The following ANTXRL variants were observed in gnomAD, a reference collection of about 807,000 sequenced individuals.
ANTXRL encodes the protein ANTXR like.
Under a neutral mutation model 75.4 loss-of-function variants are expected in ANTXRL, and 63 were observed. The ratio of observed to expected loss-of-function variants is 0.84; its 90% CI spans 0.68 to 1.03. ANTXRL has a LOEUF of 1.03. ANTXRL is among the 50% of genes least tolerant of loss of function. ANTXRL has a pLI of 0.00. For missense variants in ANTXRL, 797 were observed against 789.4 expected (o/e 1.01, Z -0.12); for synonymous variants, 335 against 291.3 (o/e 1.15, Z -1.53).
At position 46,296,104 on chromosome 10, in the gene ANTXRL, T is replaced by TAG. The variant is rs1554958549; in HGVS notation, c.474+6_474+7dup. The TAG allele has an allele frequency of 8.5e-6, 13 of 1,535,896 alleles. No homozygotes were observed. The highest frequency in any genetic ancestry group is 1.0e-5 in the Non-Finnish European group (12 of 1,146,726). On this transcript the variant is annotated splice_donor_region_variant and intron_variant, in intron 4 of 16. Coordinates refer to ENST00000620264, the MANE Select transcript of ANTXRL (RefSeq NM_001278688.3). ...CATGCAGGCAGGATTTAGAAAGGTA[T>TAG]AGACCCCTTGATCTCCTAACCCTAA...
chr10:46,294,146 C>A, intron 3 of ANTXRL: 1 of 533,650 alleles, frequency 1.9e-6, no homozygotes, highest in Non-Finnish European at 3.3e-6. Flanking sequence ...ACTTCACGCT[C>A]CCCTGCCCTC....
At chr10:46,329,492 G>A in intron 16 of ANTXRL, 107 bp from the exon 17 acceptor site, 2 of 1,393,864 alleles carry the variant, frequency 1.4e-6, no homozygotes, top group Non-Finnish European at 9.5e-7. Flanking sequence ...CCACCCTGTG[G>A]GTCCCGATGG....
chr10:46,289,590 G>T (rs1168787241), intron 1 of ANTXRL, among the ~76,000 whole-genome samples: 1 of 151,708 alleles, frequency 6.6e-6, no homozygotes, highest in Non-Finnish European at 1.5e-5. Flanking sequence ...AGCCAGGCAT[G>T]GTGATGTGTG....
At chr10:46,294,499 G>A (rs1344692725) in intron 3 of ANTXRL, among the ~76,000 whole-genome samples, 14 of 152,142 alleles carry the variant, frequency 9.2e-5, no homozygotes, top group East Asian at 1.9e-4. Flanking sequence ...CTGTTTGGCC[G>A]GAGGTGAGGG....
At position 46,297,285 on chromosome 10, in the gene ANTXRL, A is replaced by T; in HGVS notation, c.542A>T (p.Asp181Val). 6.5e-7 allele frequency: 1 copy of T among 1,536,506 alleles called. No individual in the cohort carries two copies. The highest frequency in any genetic ancestry group is 1.2e-5 in the South Asian group (1 of 84,044). The change falls in exon 6 of 17, where the codon GAT becomes GTT. Residue 181 changes from aspartate (D) to valine (V), a missense_variant. Transcript: ENST00000620264. ...CCCAGCATGATTATTGCTATGACTG[A>T]TGGAGAACTGGTGGCACATGCATTT... ...KVPSMIIAMT[D>V]GELVAHAFQD...
At chr10:46,326,870 G>A (rs185499365) in intron 16 of ANTXRL, among the ~76,000 whole-genome samples, 125 of 152,270 alleles carry the variant, frequency 8.2e-4, no homozygotes, top group Admixed American at 2.1e-3. Context: ...AGACTCTCTG[G>A]TCGCTCTTGC....
intron 16 of ANTXRL, among the ~76,000 whole-genome samples, chr10:46,322,320 T>C (rs960808227): frequency 5.3e-5 from 8 of 152,048 alleles, no homozygotes; most frequent in Non-Finnish European, 1.2e-4. Flanking sequence ...TAGCCAGGTG[T>C]GGTGGCGTAT....
intron 16 of ANTXRL, among the ~76,000 whole-genome samples, 152 bp downstream of exon 16, chr10:46,313,468 C>G (rs1409547036): frequency 6.6e-6 from 1 of 152,114 alleles, no homozygotes; most frequent in Non-Finnish European, 1.5e-5. Context: ...CATGGGCATC[C>G]CAGCCAGTTT....
In ANTXRL at chr10:46,296,079, C is replaced by A. The variant is rs1837359453; in HGVS notation, c.453C>A (p.Phe151Leu). 6.5e-7 allele frequency: 1 copy of A among 1,535,864 alleles called. No individual in the cohort carries two copies. Among genetic ancestry groups the A allele is most frequent in the Non-Finnish European group, 8.7e-7 (1 of 1,146,766 alleles). Residue 151 changes from phenylalanine (F) to leucine (L), a missense_variant, in exon 4 of 17, where the codon TTC (phenylalanine) becomes TTA (leucine). Coordinates refer to ENST00000620264, the MANE Select transcript of ANTXRL (RefSeq NM_001278688.3). Reference sequence around the variant, plus strand: ...AAATTGTGCCTGACGGTCACACATTCATGCAGGCAGGATTTAGAAAGGTAT... The same window carrying A: ...AAATTGTGCCTGACGGTCACACATTAATGCAGGCAGGATTTAGAAAGGTAT... ...LQKIVPDGHT[F>L]MQAGFRKAIQ... is the part of the protein sequence containing the mutation.
At chr10:46,291,390 A>T (rs1836974711) in intron 1 of ANTXRL, among the ~76,000 whole-genome samples, 3 of 82,362 alleles carry the variant, frequency 3.6e-5, no homozygotes, top group Admixed American at 1.4e-4. Context: ...CTTCTTTTTC[A>T]GATTTTTTTT....
intron 1 of ANTXRL, among the ~76,000 whole-genome samples, chr10:46,287,749 G>A (rs1836822936): frequency 6.6e-6 from 1 of 152,116 alleles, no homozygotes; most frequent in Non-Finnish European, 1.5e-5. Context: ...GGTTCTGGAC[G>A]ATTCCCTACC....
intron 3 of ANTXRL, 90 bp from the exon 4 acceptor site, chr10:46,295,929 G>A (rs1554958476): frequency 1.2e-5 from 13 of 1,078,772 alleles, no homozygotes; most frequent in Non-Finnish European, 1.6e-5. Context: ...GAGGACTGGC[G>A]CAAAGAACAG....
chr10:46,312,879 C>A (rs1838508535), intron 15 of ANTXRL, among the ~76,000 whole-genome samples: 1 of 152,016 alleles, frequency 6.6e-6, no homozygotes, highest in Admixed American at 6.5e-5. Context: ...CAGCAAGGCT[C>A]CTTCTCCCTG....
At chr10:46,321,256 T>C (rs575750929) in intron 16 of ANTXRL, among the ~76,000 whole-genome samples, 43 of 152,164 alleles carry the variant, frequency 2.8e-4, no homozygotes, top group Admixed American at 2.5e-3. Flanking sequence ...AATTTTCCTG[T>C]AGAGAAAAGG....
chr10:46,313,538 G>A (rs1297668984), intron 16 of ANTXRL, among the ~76,000 whole-genome samples: 5 of 152,138 alleles, frequency 3.3e-5, no homozygotes, highest in Non-Finnish European at 7.4e-5. Context: ...GTGCTGGCTA[G>A]GATGGCTAAC....
intron 1 of ANTXRL, among the ~76,000 whole-genome samples, chr10:46,290,810 A>G (rs1348822986): frequency 6.6e-6 from 1 of 151,862 alleles, no homozygotes; most frequent in Non-Finnish European, 1.5e-5. Context: ...TTGTTGTTGT[A>G]GGAGTTCTTT....
intron 16 of ANTXRL, among the ~76,000 whole-genome samples, chr10:46,320,754 C>G (rs1358438881): frequency 6.6e-6 from 1 of 152,086 alleles, no homozygotes; most frequent in Non-Finnish European, 1.5e-5. Flanking sequence ...GTTTGCCCAT[C>G]AGTCTGCATA....
chr10:46,316,993 G>A (rs967992032), intron 16 of ANTXRL, among the ~76,000 whole-genome samples: 7 of 152,158 alleles, frequency 4.6e-5, no homozygotes, highest in Non-Finnish European at 8.8e-5. Flanking sequence ...ATCCTGTCCA[G>A]GGTTAGTTCC....
chr10:46,310,335 A>G (rs1336614219), intron 13 of ANTXRL, 126 bp from the exon 14 acceptor site: 187 of 897,682 alleles, frequency 2.1e-4, no homozygotes, highest in Non-Finnish European at 3.0e-4. Context: ...CAGGGTGGCC[A>G]GAGTGACACC....
Sources: gnomAD v4.1 joint callset for allele counts (sites outside exome capture counted in the v4.1 genomes callset) on GRCh38, gnomAD v4.1.1 for gene constraint, MANE v1.5 for transcripts, NCBI Gene and HGNC (gene_info 2026-07-23, HGNC 2026-07-21) for gene names.